NRG3: variants seen among roughly 807,000 people sequenced by gnomAD.
The protein encoded by NRG3 is pro-neuregulin-3, membrane-bound isoform.
Under a neutral mutation model 66.9 loss-of-function variants are expected in NRG3, and 31 were observed. The observed-to-expected ratio is 0.46, with a 90% CI of 0.35 to 0.63. NRG3 has a LOEUF of 0.63. NRG3 is among the 20% of genes least tolerant of loss of function. The probability of loss-of-function intolerance (pLI) is 0.00; values close to 1 mark genes in which losing one functional copy is unlikely to be tolerated. For missense variants in NRG3, 910 were observed against 878.9 expected (o/e 1.04, Z -0.45); for synonymous variants, 393 against 359.4 (o/e 1.09, Z -1.06).
At chr10:82,362,347 G>A (rs896661661) in intron 2 of NRG3, among the ~76,000 whole-genome samples, 9 of 95,200 alleles carry the variant, frequency 9.5e-5, no homozygotes, top group African/African-American at 5.5e-4. Flanking sequence ...GTGTGTGTGT[G>A]TGTGTGTGTG....
chr10:82,309,560 T>C (rs1365707776), intron 1 of NRG3, among the ~76,000 whole-genome samples: 1 of 152,138 alleles, frequency 6.6e-6, no homozygotes, highest in Admixed American at 6.5e-5. Context: ...TTTGAGCATC[T>C]GGGAGAATAC....
chr10:82,426,095 A>T (rs2089419201), intron 2 of NRG3, among the ~76,000 whole-genome samples: 1 of 152,134 alleles, frequency 6.6e-6, no homozygotes, highest in Non-Finnish European at 1.5e-5. Context: ...AGCCCACTCT[A>T]GCCTTTCGGC....
At position 82,119,428 on chromosome 10, in the gene NRG3, A is replaced by G. The variant is rs1277641061; in HGVS notation, c.824-239311A>G. ...AGGTTTTATCTGCCTTGCTCATTTAATCTTCACAATAGCCATGTTAGATAC... is the reference window on the plus strand; with the variant it reads ...AGGTTTTATCTGCCTTGCTCATTTAGTCTTCACAATAGCCATGTTAGATAC... On this transcript the variant is annotated intron_variant, in intron 1 of 8. Transcript: ENST00000372141. Among the ~76,000 whole-genome samples the G allele has an allele frequency of 2.0e-5, 3 of 152,172 alleles. No homozygotes were observed. In the East Asian group the frequency reaches 5.8e-4, roughly 29 times the overall value.
intron 1 of NRG3, among the ~76,000 whole-genome samples, chr10:82,199,889 C>CGTGTGTGT (rs71007301): frequency 7.0e-5 from 10 of 142,706 alleles, no homozygotes; most frequent in East Asian, 2.2e-4. Context: ...TGTGTGTGTG[C>CGTGTGTGT]GTGTGTGTGT....
chr10:82,972,376 C>T (rs900795425), intron 6 of NRG3, among the ~76,000 whole-genome samples: 1 of 152,042 alleles, frequency 6.6e-6, no homozygotes, highest in Non-Finnish European at 1.5e-5. Flanking sequence ...TTATCAATAT[C>T]TTCCAGCCAT....
chr10:82,745,354 T>A (rs1375543098), intron 3 of NRG3, among the ~76,000 whole-genome samples: 1 of 152,102 alleles, frequency 6.6e-6, no homozygotes, highest in East Asian at 1.9e-4. Context: ...AAAAACAGAT[T>A]CTTGAGGACA....
chr10:82,448,586 A>T (rs1365906078), intron 2 of NRG3, among the ~76,000 whole-genome samples: 1 of 152,166 alleles, frequency 6.6e-6, no homozygotes, highest in Non-Finnish European at 1.5e-5. Context: ...TGTTCAAAAC[A>T]TCTAAATCTC....
At chr10:82,174,477 C>G (rs186523589) in intron 1 of NRG3, among the ~76,000 whole-genome samples, 152 of 152,116 alleles carry the variant, frequency 1.0e-3, no homozygotes, top group African/African-American at 3.5e-3. Context: ...CCTGGCCCTT[C>G]GCTCTGACAA....
At chr10:82,735,877 C>CA (rs1481357420) in intron 2 of NRG3, among the ~76,000 whole-genome samples, 2 of 152,002 alleles carry the variant, frequency 1.3e-5, no homozygotes, top group Non-Finnish European at 2.9e-5. Context: ...ACCTATGTAA[C>CA]AAACCTGCAC....
At chr10:82,015,598 C>A (rs2061753217) in intron 1 of NRG3, among the ~76,000 whole-genome samples, 1 of 151,960 alleles carries the variant, frequency 6.6e-6, no homozygotes. Context: ...TTATAAGGGG[C>A]TCTTTCCTTT....
At chr10:82,154,625 A>G (rs2071047701) in intron 1 of NRG3, among the ~76,000 whole-genome samples, 1 of 151,754 alleles carries the variant, frequency 6.6e-6, no homozygotes, top group African/African-American at 2.4e-5. Flanking sequence ...GAATTTTGAT[A>G]GAGATTGCAT....
chr10:82,344,773 G>T (rs201277788), intron 1 of NRG3, among the ~76,000 whole-genome samples: 42 of 124,782 alleles, frequency 3.4e-4, no homozygotes, highest in African/African-American at 1.4e-3. Flanking sequence ...GTGTGAGATG[G>T]TATCTCATTG....
intron 2 of NRG3, among the ~76,000 whole-genome samples, chr10:82,606,638 G>C (rs1015863626): frequency 2.6e-5 from 4 of 152,104 alleles, no homozygotes; most frequent in African/African-American, 9.7e-5. Context: ...AAAAATTAGA[G>C]TCAGGCATTG....
At chr10:82,653,141 A>G (rs932202544) in intron 2 of NRG3, among the ~76,000 whole-genome samples, 5 of 152,252 alleles carry the variant, frequency 3.3e-5, no homozygotes, top group African/African-American at 1.2e-4. Context: ...GTTAAAGCTG[A>G]AACTTACATG....
At chr10:82,554,533 T>G (rs547591834) in intron 2 of NRG3, among the ~76,000 whole-genome samples, 1 of 152,300 alleles carries the variant, frequency 6.6e-6, no homozygotes, top group South Asian at 2.1e-4. Context: ...AGGAGCCTGT[T>G]CTCACTAACC....
intron 1 of NRG3, among the ~76,000 whole-genome samples, chr10:82,040,683 A>G (rs79871370): frequency 0.047 from 7,215 of 152,010 alleles, 593 homozygotes; most frequent in African/African-American, 0.17. Flanking sequence ...GTCTGTTGTC[A>G]CACCCTAGGA....
intron 3 of NRG3, among the ~76,000 whole-genome samples, chr10:82,742,709 C>T (rs2134811088): frequency 6.6e-6 from 1 of 152,198 alleles, no homozygotes; most frequent in African/African-American, 2.4e-5. Flanking sequence ...CTGCCTCCTG[C>T]CTCCTATGCT....
chr10:82,548,185 C>A (rs1208942968), intron 2 of NRG3, among the ~76,000 whole-genome samples: 1 of 151,720 alleles, frequency 6.6e-6, no homozygotes, highest in Non-Finnish European at 1.5e-5. Flanking sequence ...ATTGACCAAG[C>A]AACAAGTGCC....
At chr10:82,149,570 G>T (rs1470196128) in intron 1 of NRG3, among the ~76,000 whole-genome samples, 1 of 152,046 alleles carries the variant, frequency 6.6e-6, no homozygotes, top group East Asian at 1.9e-4. Context: ...AAATATTTTT[G>T]AAACCTAACC....
Sources: gnomAD v4.1 joint callset for allele counts (sites outside exome capture counted in the v4.1 genomes callset) on GRCh38, gnomAD v4.1.1 for gene constraint, MANE v1.5 for transcripts, NCBI Gene and HGNC (gene_info 2026-07-23, HGNC 2026-07-21) for gene names.